The following CD200 variants were observed in gnomAD, a reference collection of about 807,000 sequenced individuals.
CD200 encodes the protein CD200 molecule.
Under a neutral mutation model 30.9 loss-of-function variants are expected in CD200, and 15 were observed. That is an observed-to-expected ratio of 0.49 (90% CI 0.32 to 0.75). The LOEUF (loss-of-function observed/expected upper bound fraction) is 0.75. Among genes scored for constraint, CD200 ranks in the 30% least tolerant of loss-of-function variants. The probability of loss-of-function intolerance (pLI) is 0.03; values close to 1 mark genes in which losing one functional copy is unlikely to be tolerated. For synonymous variants in CD200, 134 were observed against 126.2 expected (o/e 1.06, Z -0.41); for missense variants, 262 against 324.2 (o/e 0.81, Z 1.47).
chr3:112,361,443 C>T, intron 5 of CD200, 100 bp from the exon 6 acceptor site: 1 of 958,478 alleles, frequency 1.0e-6, no homozygotes, highest in South Asian at 1.3e-5. Flanking sequence ...ACTAGAATAA[C>T]TCTGTGTTTC....
At position 112,343,326 on chromosome 3, in the gene CD200, C is replaced by T. The variant is rs2081311364; in HGVS notation, c.95-1636C>T. ...TTTTCAAATTTTCTTTTCTTTGTGACATGGACTTACCTTGTCACCCAGGCT... is the reference window on the plus strand; with the variant it reads ...TTTTCAAATTTTCTTTTCTTTGTGATATGGACTTACCTTGTCACCCAGGCT... On this transcript the variant is annotated intron_variant, in intron 2 of 5. Coordinates refer to ENST00000315711, the MANE Select transcript of CD200 (RefSeq NM_005944.7). Among the ~76,000 whole-genome samples, 5 of 151,924 alleles carry T rather than the reference C, an allele frequency of 3.3e-5. No individual in the cohort carries two copies. In the South Asian group the frequency reaches 1.0e-3, roughly 32 times the overall value.
intron 2 of CD200, among the ~76,000 whole-genome samples, chr3:112,341,768 A>T (rs764159803): frequency 7.9e-5 from 12 of 152,218 alleles, no homozygotes; most frequent in Non-Finnish European, 1.6e-4. Flanking sequence ...CTCATCTAAG[A>T]GTTGAACTCT....
intron 4 of CD200, 36 bp downstream of exon 4, chr3:112,347,866 C>T (rs754037814): frequency 6.3e-7 from 1 of 1,588,684 alleles, no homozygotes; most frequent in South Asian, 1.1e-5. Flanking sequence ...GTGGTTGTGT[C>T]TGTGTGCATG....
At chr3:112,354,742 C>A (rs919328533) in intron 5 of CD200, among the ~76,000 whole-genome samples, 10 of 152,206 alleles carry the variant, frequency 6.6e-5, no homozygotes, top group African/African-American at 2.4e-4. Flanking sequence ...GATCAGAAGT[C>A]CAACATGGGT....
At chr3:112,335,201 T>C (rs1247036717) in intron 1 of CD200, among the ~76,000 whole-genome samples, 1 of 149,102 alleles carries the variant, frequency 6.7e-6, no homozygotes, top group Non-Finnish European at 1.5e-5. Context: ...GAGTTATATA[T>C]TTTTTTTCAC....
chr3:112,350,731 G>A (rs1387462015), intron 5 of CD200, among the ~76,000 whole-genome samples: 1 of 152,066 alleles, frequency 6.6e-6, no homozygotes, highest in African/African-American at 2.4e-5. Flanking sequence ...AAAAATAGTT[G>A]GCTTTGATAG....
chr3:112,358,242 G>C (rs570761965), intron 5 of CD200, among the ~76,000 whole-genome samples: 1 of 152,318 alleles, frequency 6.6e-6, no homozygotes, highest in East Asian at 1.9e-4. Flanking sequence ...CTCCCACACA[G>C]TGGTCCTGGA....
chr3:112,360,238 G>A (rs188218885), intron 5 of CD200, among the ~76,000 whole-genome samples: 1 of 152,190 alleles, frequency 6.6e-6, no homozygotes, highest in South Asian at 2.1e-4. Context: ...TGAGGCAGGA[G>A]AATCACTTGA....
In CD200 at chr3:112,347,640, C is replaced by A. The variant is rs2081429431; in HGVS notation, c.504C>A (p.Pro168=). The A allele has an allele frequency of 6.2e-7, 1 of 1,613,920 alleles. No homozygotes were observed. ...GCTCTGCCACTGCCCGCCCAGCCCCCATGGTCTTCTGGAAGGTCCCTCGGT... is the reference window on the plus strand; with the variant it reads ...GCTCTGCCACTGCCCGCCCAGCCCCAATGGTCTTCTGGAAGGTCCCTCGGT... ...ITCSATARPA[P]MVFWKVPRSG... Residue 168 remains proline (P), a synonymous_variant, in exon 4 of 6, where the codon CCC becomes CCA. Transcript: ENST00000315711.
intron 1 of CD200, among the ~76,000 whole-genome samples, chr3:112,336,937 T>C (rs778982145): frequency 6.6e-6 from 1 of 152,050 alleles, no homozygotes; most frequent in Non-Finnish European, 1.5e-5. Context: ...GGAATTTAAC[T>C]CAGTCTGAAA....
intron 3 of CD200, among the ~76,000 whole-genome samples, chr3:112,346,108 G>A (rs956225201): frequency 6.6e-6 from 1 of 151,618 alleles, no homozygotes; most frequent in African/African-American, 2.4e-5. Context: ...ATGCAAGGGA[G>A]ATAGGACAAT....
chr3:112,336,105 T>A, intron 1 of CD200: 4 of 871,614 alleles, frequency 4.6e-6, no homozygotes, highest in Non-Finnish European at 5.8e-6. Context: ...AAGATTAATG[T>A]TTGTGAAACA....
chr3:112,340,311 C>G (rs551366879), intron 1 of CD200, among the ~76,000 whole-genome samples: 42 of 152,160 alleles, frequency 2.8e-4, no homozygotes, highest in African/African-American at 9.6e-4. Flanking sequence ...TAAATACTCC[C>G]AAGATTTATA....
At position 112,360,254 on chromosome 3, in the gene CD200, G is replaced by A. The variant is rs1394704496; in HGVS notation, c.803-1289G>A. The stretch of plus-strand genomic sequence containing the variant: ...GAGGCAGGAGAATCACTTGAACCTA[G>A]GAGGTGGAGGTTACAGGGAGCAGAG... On this transcript the variant is annotated intron_variant, in intron 5 of 5. Transcript: ENST00000315711. Among the ~76,000 whole-genome samples, 4 of 152,054 alleles carry A rather than the reference G, an allele frequency of 2.6e-5. No homozygotes were observed. The East Asian group carries it at 7.7e-4, about 29-fold the overall frequency.
intron 1 of CD200, chr3:112,336,004 T>G (rs759547610): frequency 6.2e-7 from 1 of 1,609,380 alleles, no homozygotes; most frequent in East Asian, 2.2e-5. Flanking sequence ...AAGACCACCA[T>G]CAATGATTAC....
chr3:112,360,291 G>A (rs1430535083), intron 5 of CD200, among the ~76,000 whole-genome samples: 1 of 151,556 alleles, frequency 6.6e-6, no homozygotes, highest in African/African-American at 2.4e-5. Flanking sequence ...TTGCGCCACT[G>A]CACTCTAGCT....
At chr3:112,335,896 A>C in intron 1 of CD200, 3 of 1,347,190 alleles carry the variant, frequency 2.2e-6, no homozygotes, top group Non-Finnish European at 3.2e-6. Flanking sequence ...GAGAGCTGAG[A>C]CAATATTGGC....
chr3:112,350,020 G>A, intron 5 of CD200: 1 of 967,456 alleles, frequency 1.0e-6, no homozygotes, highest in Non-Finnish European at 1.2e-6. Context: ...GGACATTTCT[G>A]CTTTTTGTTT....
intron 1 of CD200, chr3:112,335,987 C>A: frequency 6.2e-7 from 1 of 1,612,582 alleles, no homozygotes; most frequent in Non-Finnish European, 8.5e-7. Flanking sequence ...CAGCTACACT[C>A]CTAGGAAAGA....
Sources: gnomAD v4.1 joint callset for allele counts (sites outside exome capture counted in the v4.1 genomes callset) on GRCh38, gnomAD v4.1.1 for gene constraint, MANE v1.5 for transcripts, NCBI Gene and HGNC (gene_info 2026-07-23, HGNC 2026-07-21) for gene names.